EPHX2: variants seen among roughly 807,000 people sequenced by gnomAD.
EPHX2 encodes bifunctional epoxide hydrolase 2.
Under a neutral mutation model 78.7 loss-of-function variants are expected in EPHX2, and 74 were observed. The observed-to-expected ratio is 0.94, with a 90% CI of 0.78 to 1.14. The LOEUF (loss-of-function observed/expected upper bound fraction) is 1.14. Ranked by LOEUF, EPHX2 falls within the 50% of genes most tolerant of loss-of-function variation. The pLI is 0.00. For synonymous variants in EPHX2, 251 were observed against 255.2 expected (o/e 0.98, Z 0.16); for missense variants, 715 against 702.5 (o/e 1.02, Z -0.20).
intron 8 of EPHX2, among the ~76,000 whole-genome samples, chr8:27,517,619 A>C (rs752483997): frequency 1.3e-5 from 2 of 152,264 alleles, no homozygotes; most frequent in Non-Finnish European, 2.9e-5. Flanking sequence ...ATCTTTGACA[A>C]GGGTATCAAG....
chr8:27,537,142 A>G (rs1264210192), intron 13 of EPHX2, among the ~76,000 whole-genome samples: 1 of 152,126 alleles, frequency 6.6e-6, no homozygotes, highest in Non-Finnish European at 1.5e-5. Context: ...GATGTCCCCA[A>G]CCCTCTTCTT....
At chr8:27,493,663 T>C (rs1035288771) in intron 1 of EPHX2, among the ~76,000 whole-genome samples, 4 of 151,636 alleles carry the variant, frequency 2.6e-5, no homozygotes, top group African/African-American at 9.8e-5. Flanking sequence ...ATTGTTAGTG[T>C]TGGGACTTAG....
intron 5 of EPHX2, among the ~76,000 whole-genome samples, 165 bp downstream of exon 5, chr8:27,507,159 C>G (rs1040029085): frequency 2.6e-5 from 4 of 152,196 alleles, no homozygotes; most frequent in Non-Finnish European, 5.9e-5. Flanking sequence ...CACGATGTCC[C>G]TAAGGAGCAT....
intron 6 of EPHX2, chr8:27,515,416 A>G (rs72475843): frequency 3.1e-5 from 11 of 359,686 alleles, no homozygotes; most frequent in African/African-American, 2.3e-4. Context: ...AAACTGTGAG[A>G]GTATGGGGGC....
At chr8:27,494,942 G>A (rs571760010) in intron 1 of EPHX2, among the ~76,000 whole-genome samples, 34 of 152,350 alleles carry the variant, frequency 2.2e-4, no homozygotes, top group Middle Eastern at 3.4e-3. Flanking sequence ...CTCTTGGAGA[G>A]GGTTGTTCCA....
At chr8:27,538,755 T>C in intron 14 of EPHX2, 63 bp downstream of exon 14, 1 of 1,560,872 alleles carries the variant, frequency 6.4e-7, no homozygotes, top group Non-Finnish European at 8.8e-7. Flanking sequence ...GATGTTTCTG[T>C]CTCTGACTGC....
At chr8:27,539,475 TA>T (rs1404138556) in intron 14 of EPHX2, among the ~76,000 whole-genome samples, 3 of 152,198 alleles carry the variant, frequency 2.0e-5, no homozygotes, top group African/African-American at 7.2e-5. Flanking sequence ...GAGCTGGGGT[TA>T]AACTCCTCTG....
intron 12 of EPHX2, among the ~76,000 whole-genome samples, chr8:27,532,671 C>T (rs890133064): frequency 2.0e-5 from 3 of 152,160 alleles, no homozygotes; most frequent in Non-Finnish European, 4.4e-5. Flanking sequence ...CCGTCCCTGC[C>T]TCCGTCTTCA....
intron 14 of EPHX2, among the ~76,000 whole-genome samples, chr8:27,540,279 C>T (rs1226876693): frequency 2.6e-5 from 4 of 152,128 alleles, no homozygotes; most frequent in African/African-American, 4.8e-5. Flanking sequence ...CTGAAAAAGC[C>T]GGCAACTGTG....
At chr8:27,525,186 A>G (rs1814799779) in intron 11 of EPHX2, among the ~76,000 whole-genome samples, 176 bp from the exon 12 acceptor site, 1 of 151,948 alleles carries the variant, frequency 6.6e-6, no homozygotes, top group African/African-American at 2.4e-5. Flanking sequence ...AAACCAATGG[A>G]CTAGGAATCG....
intron 14 of EPHX2, 160 bp downstream of exon 14, chr8:27,538,852 C>T (rs72477579): frequency 1.4e-6 from 1 of 720,636 alleles, no homozygotes; most frequent in Non-Finnish European, 2.4e-6. Context: ...TGACTCTAAC[C>T]CCAGGCCTGA....
chr8:27,508,169 G>C (rs1814087125), intron 5 of EPHX2, among the ~76,000 whole-genome samples: 1 of 152,104 alleles, frequency 6.6e-6, no homozygotes, highest in Admixed American at 6.6e-5. Flanking sequence ...CAAGCATAGT[G>C]GTGGGCACCT....
chr8:27,525,032 C>G (rs1814774221), intron 11 of EPHX2, among the ~76,000 whole-genome samples: 2 of 150,816 alleles, frequency 1.3e-5, no homozygotes, highest in South Asian at 4.2e-4. Flanking sequence ...AGATTCGTGT[C>G]TCCATATTCT....
At chr8:27,493,416 CTG>C (rs1306809421) in intron 1 of EPHX2, among the ~76,000 whole-genome samples, 1 of 152,214 alleles carries the variant, frequency 6.6e-6, no homozygotes, top group African/African-American at 2.4e-5. Context: ...TGGAGAGTCA[CTG>C]TTGCCAAATA....
At position 27,544,881 on chromosome 8, in the gene EPHX2, G is replaced by T; in HGVS notation, c.*359G>T. The T allele has an allele frequency of 3.9e-6, 1 of 257,358 alleles. No individual in the cohort carries two copies. Among genetic ancestry groups the T allele is most frequent in the East Asian group, 8.9e-5 (1 of 11,186 alleles). The allele number at this position is 257,358 out of a possible 1,614,324, so 15.9% of individuals were successfully genotyped here. A position where few individuals can be genotyped will look rare whatever the true frequency, so the allele number is the denominator to read the frequency against. ...GTTCATTTAGAAGAATCTTAGCAGAGATTGGGATGCCTTACTCAATAAAGC... is the reference window on the plus strand; with the variant it reads ...GTTCATTTAGAAGAATCTTAGCAGATATTGGGATGCCTTACTCAATAAAGC... On this transcript the variant is annotated 3_prime_UTR_variant, in exon 19 of 19. Transcript: ENST00000521400.
chr8:27,498,508 A>G (rs1813654842), intron 1 of EPHX2, among the ~76,000 whole-genome samples: 1 of 151,558 alleles, frequency 6.6e-6, no homozygotes, highest in South Asian at 2.1e-4. Context: ...CTCTTCTTTT[A>G]TCATCTCCCA....
intron 9 of EPHX2, 128 bp downstream of exon 9, chr8:27,518,200 A>G: frequency 2.8e-6 from 2 of 723,206 alleles, no homozygotes; most frequent in Non-Finnish European, 4.6e-6. Flanking sequence ...ATTCCTACTG[A>G]AAGTTGAACA....
At chr8:27,532,610 T>G (rs1245748438) in intron 12 of EPHX2, among the ~76,000 whole-genome samples, 2 of 152,144 alleles carry the variant, frequency 1.3e-5, no homozygotes, top group Non-Finnish European at 2.9e-5. Flanking sequence ...TCCCAGCCCC[T>G]GGCCGTTGCT....
intron 14 of EPHX2, chr8:27,538,954 G>A: frequency 2.0e-6 from 1 of 494,426 alleles, no homozygotes; most frequent in Non-Finnish European, 3.6e-6. Context: ...CTTGTCCAGG[G>A]CAAAATCCAC....
Sources: allele counts gnomAD v4.1 joint callset (sites outside exome capture counted in the v4.1 genomes callset), GRCh38; gene constraint gnomAD v4.1.1; transcripts MANE v1.5; gene names NCBI Gene and HGNC (gene_info 2026-07-23, HGNC 2026-07-21).